ZNF804B: variants seen among roughly 807,000 people sequenced by gnomAD.
ZNF804B encodes the protein zinc finger protein 804B, also known as zinc finger 804B.
In ZNF804B, 80 loss-of-function variants were observed where a neutral mutation model predicts 101.4. The observed-to-expected ratio is 0.79, with a 90% CI of 0.66 to 0.95. ZNF804B has a LOEUF of 0.95. Among genes scored for constraint, ZNF804B ranks in the 40% least tolerant of loss-of-function variants. The probability of loss-of-function intolerance (pLI) is 0.00; values close to 1 mark genes in which losing one functional copy is unlikely to be tolerated. For synonymous variants in ZNF804B, 622 were observed against 558.8 expected, an observed-to-expected ratio of 1.11 and a Z score of -1.59; for missense variants, 1,673 against 1,561.9, an observed-to-expected ratio of 1.07 and a Z score of -1.20.
At chr7:89,169,529 A>G (rs1171423874) in intron 1 of ZNF804B, among the ~76,000 whole-genome samples, 2 of 152,146 alleles carry the variant, frequency 1.3e-5, no homozygotes, top group Admixed American at 6.5e-5. Flanking sequence ...TAGGCTTAGG[A>G]ATTCTTAGTC....
At chr7:89,160,538 T>C (rs1490100341) in intron 1 of ZNF804B, among the ~76,000 whole-genome samples, 1 of 152,192 alleles carries the variant, frequency 6.6e-6, no homozygotes, top group Non-Finnish European at 1.5e-5. Context: ...AGCTGATTAG[T>C]AATCACTAAA....
intron 1 of ZNF804B, among the ~76,000 whole-genome samples, chr7:88,969,402 A>C (rs1793500619): frequency 6.6e-6 from 1 of 151,652 alleles, no homozygotes. Flanking sequence ...AAAATACATC[A>C]ATTCCATGTT....
intron 1 of ZNF804B, among the ~76,000 whole-genome samples, chr7:89,151,210 T>C (rs192018607): frequency 1.6e-4 from 24 of 152,210 alleles, no homozygotes; most frequent in Admixed American, 1.5e-3. Flanking sequence ...AATTGACTCC[T>C]CTTCTAGCAA....
intron 2 of ZNF804B, among the ~76,000 whole-genome samples, chr7:89,220,541 G>A (rs980950713): frequency 6.6e-6 from 1 of 151,712 alleles, no homozygotes; most frequent in Non-Finnish European, 1.5e-5. Flanking sequence ...TACCATCATC[G>A]CTCACCACAC....
At chr7:88,822,392 G>C (rs1562803556) in intron 1 of ZNF804B, among the ~76,000 whole-genome samples, 1 of 152,004 alleles carries the variant, frequency 6.6e-6, no homozygotes, top group Non-Finnish European at 1.5e-5. Context: ...TAATATTATT[G>C]TCATTACTGT....
At chr7:89,197,010 A>C (rs1788563827) in intron 1 of ZNF804B, among the ~76,000 whole-genome samples, 1 of 143,250 alleles carries the variant, frequency 7.0e-6, no homozygotes, top group Non-Finnish European at 1.6e-5. Flanking sequence ...ATGCTTTTAC[A>C]CTGTTGGTGG....
chr7:89,155,938 C>A (rs1790953115), intron 1 of ZNF804B, among the ~76,000 whole-genome samples: 3 of 144,746 alleles, frequency 2.1e-5, no homozygotes, highest in Admixed American at 7.0e-5. Context: ...CTTTCCCTTT[C>A]TCTCCCTTCC....
chr7:88,971,153 C>G (rs1200953520), intron 1 of ZNF804B, among the ~76,000 whole-genome samples: 1 of 151,468 alleles, frequency 6.6e-6, no homozygotes, highest in African/African-American at 2.4e-5. Context: ...CCTATTTACT[C>G]TATAGCTCTT....
At chr7:89,145,781 T>C (rs943673743) in intron 1 of ZNF804B, among the ~76,000 whole-genome samples, 1 of 152,042 alleles carries the variant, frequency 6.6e-6, no homozygotes, top group African/African-American at 2.4e-5. Context: ...TTCATTATAA[T>C]TGATTCTGGA....
intron 1 of ZNF804B, among the ~76,000 whole-genome samples, chr7:89,185,259 A>C (rs1370950324): frequency 1.3e-5 from 2 of 152,182 alleles, no homozygotes; most frequent in African/African-American, 4.8e-5. Flanking sequence ...CTTGATTTGG[A>C]CTTTGAAGGA....
At chr7:88,930,741 A>G (rs1792870552) in intron 1 of ZNF804B, among the ~76,000 whole-genome samples, 2 of 151,964 alleles carry the variant, frequency 1.3e-5, no homozygotes, top group South Asian at 2.1e-4. Context: ...GGGAAAGGAA[A>G]ACTTTTGATG....
chr7:89,151,939 G>A (rs1790883820), intron 1 of ZNF804B, among the ~76,000 whole-genome samples: 1 of 151,912 alleles, frequency 6.6e-6, no homozygotes, highest in African/African-American at 2.4e-5. Flanking sequence ...GTCTTGTATG[G>A]GTGTGGAATA....
At chr7:89,266,766 G>A (rs919474788) in intron 2 of ZNF804B, among the ~76,000 whole-genome samples, 1 of 151,938 alleles carries the variant, frequency 6.6e-6, no homozygotes, top group Admixed American at 6.6e-5. Context: ...ATTGTAATAA[G>A]TAGAGATTTT....
intron 1 of ZNF804B, among the ~76,000 whole-genome samples, chr7:89,190,261 G>A (rs1193122778): frequency 2.6e-5 from 4 of 151,552 alleles, no homozygotes; most frequent in Admixed American, 2.6e-4. Flanking sequence ...CTTGAACCTG[G>A]GAAGCAGAGG....
intron 1 of ZNF804B, among the ~76,000 whole-genome samples, chr7:88,905,909 T>G (rs1321286404): frequency 4.7e-5 from 7 of 147,790 alleles, no homozygotes; most frequent in Admixed American, 6.7e-5. Context: ...TTTTTTTTTT[T>G]TTGGGGTTGA....
chr7:89,107,577 C>T (rs142070544), intron 1 of ZNF804B, among the ~76,000 whole-genome samples: 15 of 152,134 alleles, frequency 9.9e-5, no homozygotes, highest in South Asian at 2.1e-4. Context: ...AACTCATTAG[C>T]GGATACATGT....
Position 89,047,106 on chromosome 7 carries a change from G to A in ZNF804B, c.109-171049G>A, listed in dbSNP as rs141669792. ...TTTCCATGTTTATCTGCAAGTTATG[G>A]ATTATGTCACTTTACCATATCACTC... On this transcript the variant is annotated intron_variant, in intron 1 of 3. Coordinates refer to ENST00000333190, the MANE Select transcript of ZNF804B (RefSeq NM_181646.5). 3.9e-3 allele frequency among the ~76,000 whole-genome samples: 588 copies of A among 152,108 alleles called. 1 individual carries two copies. Among genetic ancestry groups the A allele is most frequent in the Non-Finnish European group, 5.8e-3 (394 of 67,988 alleles).
At chr7:88,909,907 T>G (rs1792523929) in intron 1 of ZNF804B, among the ~76,000 whole-genome samples, 1 of 151,874 alleles carries the variant, frequency 6.6e-6, no homozygotes, top group South Asian at 2.1e-4. Flanking sequence ...ATTTCATATT[T>G]CTGTTATTAG....
chr7:89,018,412 G>A (rs1486399858), intron 1 of ZNF804B, among the ~76,000 whole-genome samples: 1 of 151,868 alleles, frequency 6.6e-6, no homozygotes. Context: ...AATTCAATTT[G>A]CTAATATTTT....
Sources: gnomAD v4.1 joint callset for allele counts (sites outside exome capture counted in the v4.1 genomes callset) on GRCh38, gnomAD v4.1.1 for gene constraint, MANE v1.5 for transcripts, NCBI Gene and HGNC (gene_info 2026-07-23, HGNC 2026-07-21) for gene names.